The following MYO9B variants were observed in gnomAD, a reference collection of about 807,000 sequenced individuals.
The protein encoded by MYO9B is myosin IXB, also known as unconventional myosin-IXb.
Under a neutral mutation model 229.5 loss-of-function variants are expected in MYO9B, and 71 were observed. That is an observed-to-expected ratio of 0.31 (90% CI 0.26 to 0.38). The LOEUF is 0.38. Among genes scored for constraint, MYO9B ranks in the 10% least tolerant of loss-of-function variants. The pLI is 1.00. For synonymous variants in MYO9B, 1,185 were observed against 1,235.8 expected, an observed-to-expected ratio of 0.96 and a Z score of 0.86; for missense variants, 2,255 against 2,920.5, an observed-to-expected ratio of 0.77 and a Z score of 5.25.
At position 17,195,482 on chromosome 19, in the gene MYO9B, C is replaced by T; in HGVS notation, c.4046+9C>T. ...GCCCTCACGCCCACAGAGTAAGCCC[C>T]ACACCCTCTTTTGTCTGAGCACCAG... On this transcript the variant is annotated intron_variant, in intron 22 of 39. Transcript: ENST00000682292. The surrounding 1 kb of genome is among the most constrained non-coding windows in gnomAD (Gnocchi z 4.5). 6.3e-7 allele frequency: 1 copy of T among 1,584,256 alleles called. No individual in the cohort carries two copies. The highest frequency in any genetic ancestry group is 8.5e-7 in the Non-Finnish European group (1 of 1,171,942).
chr19:17,205,452 G>A (rs10423542), intron 31 of MYO9B, 116 bp downstream of exon 31: 32,772 of 952,748 alleles, frequency 0.034, 916 homozygotes, highest in African/African-American at 0.12. Context: ...AGTAGGGGGC[G>A]GCTGTGGCCT....
At chr19:17,133,103 C>G (rs914615209) in intron 2 of MYO9B, among the ~76,000 whole-genome samples, 1 of 151,438 alleles carries the variant, frequency 6.6e-6, no homozygotes, top group African/African-American at 2.4e-5. Flanking sequence ...GTCTCAGCCT[C>G]CCAAAGTGCT....
intron 23 of MYO9B, 55 bp downstream of exon 23, chr19:17,197,913 G>A: frequency 6.3e-7 from 1 of 1,590,494 alleles, no homozygotes; most frequent in Non-Finnish European, 8.6e-7. Flanking sequence ...AATCAGCCAG[G>A]CGTGGTGGCG....
intron 15 of MYO9B, among the ~76,000 whole-genome samples, chr19:17,182,042 G>A (rs1406385347): frequency 6.6e-6 from 1 of 150,614 alleles, no homozygotes; most frequent in Non-Finnish European, 1.5e-5. Context: ...CTCCCAAAGT[G>A]CTGGGATTAC....
intron 2 of MYO9B, among the ~76,000 whole-genome samples, chr19:17,140,070 ATGGATGGATGGG>A (rs964821920): frequency 6.6e-6 from 1 of 151,856 alleles, no homozygotes; most frequent in African/African-American, 2.4e-5. Flanking sequence ...GATTGGATGG[ATGGATGGATGGG>A]TGGATGGATG....
At chr19:17,117,329 G>A (rs2057914682) in intron 2 of MYO9B, among the ~76,000 whole-genome samples, 1 of 152,204 alleles carries the variant, frequency 6.6e-6, no homozygotes, top group Non-Finnish European at 1.5e-5. Flanking sequence ...TCACAGTGCA[G>A]TTGCCACCTA....
chr19:17,190,801 G>C (rs751470739), intron 19 of MYO9B, among the ~76,000 whole-genome samples: 1 of 152,014 alleles, frequency 6.6e-6, no homozygotes, highest in Non-Finnish European at 1.5e-5. Context: ...TGGGACTACA[G>C]GTGTCTGCCA....
chr19:17,092,028 G>A (rs1378059747), intron 1 of MYO9B, among the ~76,000 whole-genome samples: 4 of 152,226 alleles, frequency 2.6e-5, no homozygotes, highest in African/African-American at 7.2e-5. Flanking sequence ...TGGAGGACAC[G>A]GAGCAGTCTC....
Position 17,123,915 on chromosome 19 carries a change from T to C in MYO9B, c.840+21358T>C, listed in dbSNP as rs2145137328. 2.0e-5 allele frequency among the ~76,000 whole-genome samples: 3 copies of C among 151,710 alleles called. No individual in the cohort carries two copies. The South Asian group carries it at 6.2e-4, about 32-fold the overall frequency. On this transcript the variant is annotated intron_variant, in intron 2 of 39. Coordinates refer to ENST00000682292, the MANE Select transcript of MYO9B (RefSeq NM_004145.4). ...CATTTTTCTTTTTTGAGACAGGGTCTCACTTTGTCACCCAGGCTGGAGTTC... is the reference window on the plus strand; with the variant it reads ...CATTTTTCTTTTTTGAGACAGGGTCCCACTTTGTCACCCAGGCTGGAGTTC...
intron 13 of MYO9B, among the ~76,000 whole-genome samples, chr19:17,174,479 G>A (rs2072761417): frequency 6.6e-6 from 1 of 152,118 alleles, no homozygotes; most frequent in African/African-American, 2.4e-5. Flanking sequence ...TACTAAAAAT[G>A]CAAATATTAG....
In MYO9B at chr19:17,194,829, G is replaced by A. The variant is rs780364220; in HGVS notation, c.3402G>A (p.Ala1134=). 1.3e-5 allele frequency: 21 copies of A among 1,613,218 alleles called. No homozygotes were observed. The East Asian group carries it at 2.5e-4, about 19-fold the overall frequency. ...CTCTCCCACCCCAGAAAACCGTGGC[G>A]GCTGAAAGTCACGAGAAAGTCCCCA... is the stretch of plus-strand genomic sequence containing the variant. The part of the protein sequence containing the change: ...EKTLPPQKTV[A]AESHEKVPSS... Residue 1134 remains alanine, a synonymous_variant, in exon 22 of 40, where the codon GCG becomes GCA. Transcript: ENST00000682292.
At chr19:17,178,860 C>T (rs923585662) in intron 14 of MYO9B, among the ~76,000 whole-genome samples, 2 of 151,772 alleles carry the variant, frequency 1.3e-5, no homozygotes, top group Non-Finnish European at 2.9e-5. Flanking sequence ...ATGGTGAAAC[C>T]CTGTGTCTAC....
At position 17,193,110 on chromosome 19, in the gene MYO9B, A is replaced by G; in HGVS notation, c.3128+48A>G. 16 of 1,419,070 alleles carry G rather than the reference A, an allele frequency of 1.1e-5. No homozygotes were observed. Among genetic ancestry groups the G allele is most frequent in the Non-Finnish European group, 1.5e-5 (16 of 1,086,918 alleles). 87.9% of individuals were successfully genotyped at this position (1,419,070 alleles called of 1,614,324 possible). A position where few individuals can be genotyped will look rare whatever the true frequency, so the allele number is the denominator to read the frequency against. Reference sequence around the variant, plus strand: ...CCTCGGAATATTCCAGAAGCCAAAAAGGTCACTCACCAAATTGCTGCCCGT... The same window carrying G: ...CCTCGGAATATTCCAGAAGCCAAAAGGGTCACTCACCAAATTGCTGCCCGT... On this transcript the variant is annotated intron_variant, in intron 21 of 39. Transcript: ENST00000682292. The surrounding 1 kb of genome is among the most constrained non-coding windows in gnomAD (Gnocchi z 4.3).
At position 17,102,431 on chromosome 19, in the gene MYO9B, G is replaced by A. The variant is rs546148022; in HGVS notation, c.714G>A (p.Ser238=). The A allele has an allele frequency of 5.0e-5, 81 of 1,613,960 alleles. No homozygotes were observed. The East Asian group carries it at 1.0e-3, about 20-fold the overall frequency. The stretch of plus-strand genomic sequence containing the variant: ...GCGTGAACCAGTGCATCGTGATCTC[G>A]GGTGAGAGCGGCTCCGGCAAGACCC... ...RKRVNQCIVI[S]GESGSGKTQS... Residue 238 remains serine (S), a synonymous_variant, in exon 2 of 40, where the codon TCG becomes TCA. Coordinates refer to ENST00000682292, the MANE Select transcript of MYO9B (RefSeq NM_004145.4).
At chr19:17,126,935 C>T (rs1361366245) in intron 2 of MYO9B, among the ~76,000 whole-genome samples, 3 of 123,260 alleles carry the variant, frequency 2.4e-5, no homozygotes, top group Non-Finnish European at 3.4e-5. Context: ...CCCCCACCCC[C>T]GGCCTTCCAA....
At chr19:17,190,448 C>T (rs976309564) in intron 19 of MYO9B, among the ~76,000 whole-genome samples, 1 of 147,694 alleles carries the variant, frequency 6.8e-6, no homozygotes, top group African/African-American at 2.5e-5. Flanking sequence ...GGCAACATGG[C>T]AAAACCCTGT....
intron 22 of MYO9B, among the ~76,000 whole-genome samples, chr19:17,196,031 A>G (rs1163702335): frequency 2.0e-5 from 3 of 151,622 alleles, no homozygotes; most frequent in African/African-American, 7.3e-5. Context: ...TGTCCTGTGT[A>G]TCATAAGATG....
chr19:17,209,630 T>C lies in MYO9B; in HGVS notation c.5669T>C (p.Val1890Ala). 1 of 1,607,838 alleles carries C rather than the reference T, an allele frequency of 6.2e-7. No individual in the cohort carries two copies. Among genetic ancestry groups the C allele is most frequent in the Non-Finnish European group, 8.5e-7 (1 of 1,177,126 alleles). Residue 1890 changes from valine to alanine, a missense_variant, in exon 36 of 40, where the codon GTG becomes GCG. Transcript: ENST00000682292. ...AAGGAGCAGATGAGGAAATACAAAG[T>C]GAAGATGGAGGAGATCAGCCAACTG... ...LIKEQMRKYK[V>A]KMEEISQLEA... is the part of the protein sequence containing the mutation.
intron 26 of MYO9B, among the ~76,000 whole-genome samples, 187 bp from the exon 27 acceptor site, chr19:17,201,739 T>G (rs1336774811): frequency 6.6e-6 from 1 of 152,040 alleles, no homozygotes; most frequent in Non-Finnish European, 1.5e-5. Context: ...AGTCCTGCCC[T>G]CAATGTCAGT....
Sources: allele counts gnomAD v4.1 joint callset (sites outside exome capture counted in the v4.1 genomes callset), GRCh38; gene constraint gnomAD v4.1.1; non-coding constraint Gnocchi (gnomAD v3.1); transcripts MANE v1.5; gene names NCBI Gene and HGNC (gene_info 2026-07-23, HGNC 2026-07-21).